DNAAF1: variants seen among roughly 807,000 people sequenced by gnomAD.
DNAAF1 encodes the protein dynein axonemal assembly factor 1.
Under a neutral mutation model 71.1 loss-of-function variants are expected in DNAAF1, and 65 were observed. The observed-to-expected ratio is 0.91, with a 90% confidence interval of 0.75 to 1.12. DNAAF1 has a LOEUF of 1.12. DNAAF1 is among the 50% of genes most tolerant of loss of function. The pLI is 0.00. For synonymous variants in DNAAF1, 414 were observed against 354.6 expected (o/e 1.17, Z -1.88); for missense variants, 1,178 against 899.8 (o/e 1.31, Z -3.96).
At position 84,170,128 on chromosome 16, in the gene DNAAF1, G is replaced by T. The variant is rs117114021; in HGVS notation, c.1300G>T (p.Gly434Ter). The T allele has an allele frequency of 6.3e-7, 1 of 1,583,090 alleles. No homozygotes were observed. The highest frequency in any genetic ancestry group is 8.6e-7 in the Non-Finnish European group (1 of 1,160,712). The stretch of plus-strand genomic sequence containing the variant: ...ACCTGTGGAGGTTAAAGGAGAGGAC[G>T]GAGATGGAGAGCCAGAGGGGACCCT... ...SSPVEVKGED[G>*]DGEPEGTLPA... is the part of the protein sequence containing the mutation. The change falls in exon 8 of 12, where the codon GGA becomes TGA. Residue 434 changes from glycine (G) to a stop codon, truncating the protein, a stop_gained. Transcript: ENST00000378553. LOFTEE classifies it high-confidence loss of function.
In DNAAF1 at chr16:84,170,226, G is replaced by A. The variant is rs755044986; in HGVS notation, c.1398G>A (p.Gly466=). The part of the protein sequence containing the change: ...KGEDGDQEPE[G]TLPAETLLLS... The stretch of plus-strand genomic sequence containing the variant: ...AGGATGGAGATCAAGAGCCAGAGGG[G>A]ACCCTCCCAGCTGAGACCCTGCTAC... The change falls in exon 8 of 12, where the codon GGG becomes GGA. Residue 466 remains glycine (G), a synonymous_variant. Transcript: ENST00000378553. 6.2e-7 allele frequency: 1 copy of A among 1,612,388 alleles called. No individual in the cohort carries two copies. Among genetic ancestry groups the A allele is most frequent in the East Asian group, 2.2e-5 (1 of 44,784 alleles).
intron 5 of DNAAF1, 140 bp from the exon 6 acceptor site, chr16:84,159,535 A>G: frequency 8.4e-7 from 1 of 1,188,414 alleles, no homozygotes; most frequent in Admixed American, 2.1e-5. Flanking sequence ...TTCTCCCATC[A>G]AGTCACCAGG....
chr16:84,149,374 A>G (rs1451796715), intron 2 of DNAAF1, among the ~76,000 whole-genome samples: 1 of 152,192 alleles, frequency 6.6e-6, no homozygotes, highest in Non-Finnish European at 1.5e-5. Context: ...GACACCATTT[A>G]AAGTATTTTT....
chr16:84,174,856 TTTC>T, intron 10 of DNAAF1, 134 bp downstream of exon 10: 1 of 1,115,984 alleles, frequency 9.0e-7, no homozygotes, highest in Non-Finnish European at 1.3e-6. Context: ...CCATATTCTT[TTTC>T]TTTTCTTTTC....
chr16:84,161,473 G>C (rs2087714140), intron 6 of DNAAF1, among the ~76,000 whole-genome samples: 1 of 152,100 alleles, frequency 6.6e-6, no homozygotes, highest in Non-Finnish European at 1.5e-5. Flanking sequence ...CAAACTCTGG[G>C]TTCACACAAG....
intron 3 of DNAAF1, among the ~76,000 whole-genome samples, chr16:84,152,944 C>T (rs1176232115): frequency 6.8e-6 from 1 of 147,516 alleles, no homozygotes; most frequent in Non-Finnish European, 1.5e-5. Flanking sequence ...GCAACAGAGC[C>T]AGACTCCATC....
intron 10 of DNAAF1, chr16:84,175,510 G>A (rs2088605605): frequency 4.2e-6 from 1 of 240,702 alleles, no homozygotes; most frequent in Admixed American, 5.2e-5. Flanking sequence ...GAGGGAGAAG[G>A]AGGCATCAGC....
chr16:84,176,261 G>C lies in DNAAF1; in HGVS notation c.2027G>C (p.Gly676Ala). 1 of 1,613,650 alleles carries C rather than the reference G, an allele frequency of 6.2e-7. No homozygotes were observed. The highest frequency in any genetic ancestry group is 1.1e-5 in the South Asian group (1 of 91,084). ...GATGCTGCACCACTCACTTCCAGTG[G>C]AGACAGGGACAGCGACTTCCTTGCA... ...QRDAAPLTSS[G>A]DRDSDFLAAS... The change falls in exon 11 of 12, where the codon GGA becomes GCA. Residue 676 changes from glycine to alanine, a missense_variant. Gly to Ala is a moderately conservative substitution (Grantham distance 60, BLOSUM62 0). Transcript: ENST00000378553.
rs745495583 is a variant in DNAAF1 at position 84,170,123 on chromosome 16, AGGACGGAGATGGAGAGCCAGAGG to A, written c.1300_1322del (p.Gly434ProfsTer4). ...TCGTCACCTGTGGAGGTTAAAGGAG[AGGACGGAGATGGAGAGCCAGAGG>A]GGACCCTCCCAGCTGAGGCCCCACC... On this transcript the variant is annotated frameshift_variant, in exon 8 of 12. Coordinates refer to ENST00000378553, the MANE Select transcript of DNAAF1 (RefSeq NM_178452.6). LOFTEE classifies it high-confidence loss of function. 1.7e-4 allele frequency: 274 copies of A among 1,582,856 alleles called. No individual in the cohort carries two copies. The highest frequency in any genetic ancestry group is 2.3e-4 in the Non-Finnish European group (268 of 1,161,100).
intron 1 of DNAAF1, among the ~76,000 whole-genome samples, chr16:84,147,557 G>C (rs1333282625): frequency 2.0e-5 from 3 of 151,658 alleles, no homozygotes; most frequent in African/African-American, 7.3e-5. Flanking sequence ...ATGTTACCCA[G>C]GCTAGATCTT....
chr16:84,154,853 C>A, intron 4 of DNAAF1, 55 bp downstream of exon 4: 1 of 1,388,266 alleles, frequency 7.2e-7, no homozygotes, highest in Non-Finnish European at 1.0e-6. Flanking sequence ...TCACCTTCCC[C>A]TGAGGGATGT....
intron 7 of DNAAF1, among the ~76,000 whole-genome samples, chr16:84,168,175 C>T (rs1165713891): frequency 6.6e-6 from 1 of 152,154 alleles, no homozygotes; most frequent in African/African-American, 2.4e-5. Context: ...TTCTCACCTC[C>T]TAGAGGCCGC....
chr16:84,150,250 G>A lies in DNAAF1; in HGVS notation c.261-1G>A. The A allele has an allele frequency of 6.2e-7, 1 of 1,610,452 alleles. No homozygotes were observed. Among genetic ancestry groups the A allele is most frequent in the Non-Finnish European group, 8.5e-7 (1 of 1,176,682 alleles). ...TTATTCATATTTTTCCATTTTAACA[G>A]AATGACTAAAAGTTCCCTGCAAAAA... On this transcript the variant is annotated splice_acceptor_variant, in intron 2 of 11. Transcript: ENST00000378553. LOFTEE classifies it high-confidence loss of function.
chr16:84,155,925 T>C (rs2087406237), intron 5 of DNAAF1, among the ~76,000 whole-genome samples, 176 bp downstream of exon 5: 1 of 152,176 alleles, frequency 6.6e-6, no homozygotes, highest in African/African-American at 2.4e-5. Flanking sequence ...TATCGTATTA[T>C]TTTACCCACA....
chr16:84,164,845 A>G (rs942577901), intron 6 of DNAAF1, among the ~76,000 whole-genome samples: 8 of 152,150 alleles, frequency 5.3e-5, no homozygotes, highest in African/African-American at 1.9e-4. Context: ...CCGCCACACC[A>G]TTTTCCAAAG....
intron 7 of DNAAF1, among the ~76,000 whole-genome samples, chr16:84,167,839 A>G (rs930179720): frequency 6.6e-6 from 1 of 152,082 alleles, no homozygotes; most frequent in Non-Finnish European, 1.5e-5. Flanking sequence ...AACATGGAGA[A>G]ACCCCGTCTC....
chr16:84,177,882 ATGTC>A lies in DNAAF1; in HGVS notation c.*43_*46del, dbSNP rs771825223. ...TGTAGCATAAATGGTTTAATCATAAATGTCTCCCTTAGGCATGATAAACATTTTA... is the reference window on the plus strand; with the variant it reads ...TGTAGCATAAATGGTTTAATCATAAATCCCTTAGGCATGATAAACATTTTA... On this transcript the variant is annotated 3_prime_UTR_variant, in exon 12 of 12. Coordinates refer to ENST00000378553, the MANE Select transcript of DNAAF1 (RefSeq NM_178452.6). The A allele has an allele frequency of 2.5e-5, 37 of 1,503,548 alleles. No homozygotes were observed. Among genetic ancestry groups the A allele is most frequent in the Non-Finnish European group, 3.3e-5 (36 of 1,079,574 alleles). The allele number at this position is 1,503,548 out of a possible 1,614,324, so 93.1% of individuals were successfully genotyped here. A position where few individuals can be genotyped will look rare whatever the true frequency, so the allele number is the denominator to read the frequency against.
intron 7 of DNAAF1, among the ~76,000 whole-genome samples, chr16:84,166,557 G>A (rs924366709): frequency 6.6e-6 from 1 of 151,750 alleles, no homozygotes; most frequent in Non-Finnish European, 1.5e-5. Flanking sequence ...AATTTCTGTA[G>A]AGATGGGGTC....
chr16:84,177,693 A>T, intron 11 of DNAAF1, 36 bp from the exon 12 acceptor site: 1 of 1,571,998 alleles, frequency 6.4e-7, no homozygotes, highest in Non-Finnish European at 8.7e-7. Flanking sequence ...AGTCACAGTG[A>T]CAGGGAGAAA....
Sources: allele counts gnomAD v4.1 joint callset (sites outside exome capture counted in the v4.1 genomes callset), GRCh38; gene constraint gnomAD v4.1.1; transcripts MANE v1.5; gene names NCBI Gene and HGNC (gene_info 2026-07-23, HGNC 2026-07-21).